The following DNAH6 variants were observed in gnomAD, a reference collection of about 807,000 sequenced individuals.
DNAH6 encodes dynein axonemal heavy chain 6, also known as axonemal beta dynein heavy chain 6.
In DNAH6, 340 loss-of-function variants were observed where a neutral mutation model predicts 491.4. That is an observed-to-expected ratio of 0.69 (90% CI 0.63 to 0.76). DNAH6 has a LOEUF of 0.76. Ranked by LOEUF, DNAH6 falls within the 30% of genes least tolerant of loss-of-function variation. The probability of loss-of-function intolerance (pLI) is 0.00; values close to 1 mark genes in which losing one functional copy is unlikely to be tolerated. For synonymous variants in DNAH6, 1,603 were observed against 1,686.1 expected, an observed-to-expected ratio of 0.95 and a Z score of 1.21; for missense variants, 4,443 against 4,972.2, an observed-to-expected ratio of 0.89 and a Z score of 3.20.
At chr2:84,611,256 G>C (rs1686299867) in intron 21 of DNAH6, among the ~76,000 whole-genome samples, 1 of 151,822 alleles carries the variant, frequency 6.6e-6, no homozygotes, top group Non-Finnish European at 1.5e-5. Context: ...TTTAAAGAAA[G>C]GTGAATGAAA....
At chr2:84,573,980 T>TAA (rs1682170996) in intron 12 of DNAH6, among the ~76,000 whole-genome samples, 1 of 152,204 alleles carries the variant, frequency 6.6e-6, no homozygotes, top group South Asian at 2.1e-4. Flanking sequence ...CTTCTGGGAC[T>TAA]ACATTAAGAT....
chr2:84,637,135 T>C lies in DNAH6; in HGVS notation c.4654-75T>C, dbSNP rs552302465. The stretch of plus-strand genomic sequence containing the variant: ...TTAGTGCTTCATTACATGAGTCTTG[T>C]ATTCGAGTAATAATTAGGTGAAAAA... On this transcript the variant is annotated intron_variant, in intron 30 of 76. Coordinates refer to ENST00000389394, the MANE Select transcript of DNAH6 (RefSeq NM_001370.2). 67 of 1,283,616 alleles carry C rather than the reference T, an allele frequency of 5.2e-5. No homozygotes were observed. In the African/African-American group the frequency reaches 8.4e-4, roughly 16 times the overall value. 79.5% of individuals were successfully genotyped at this position (1,283,616 alleles called of 1,614,324 possible).
chr2:84,548,066 T>G (rs1678955811), intron 7 of DNAH6, among the ~76,000 whole-genome samples: 1 of 152,242 alleles, frequency 6.6e-6, no homozygotes, highest in Non-Finnish European at 1.5e-5. Context: ...GATCAAATCC[T>G]GTTAATGAGA....
chr2:84,549,444 T>G (rs1679110320), intron 8 of DNAH6, among the ~76,000 whole-genome samples: 1 of 152,156 alleles, frequency 6.6e-6, no homozygotes, highest in African/African-American at 2.4e-5. Context: ...AAACGTAAAA[T>G]TCAAACCTTT....
upstream of DNAH6, among the ~76,000 whole-genome samples, chr2:84,514,856 C>CCACA (rs1675479540): frequency 7.1e-6 from 1 of 141,264 alleles, no homozygotes; most frequent in African/African-American, 2.8e-5. Flanking sequence ...CCCACCCCCA[C>CCACA]TTCACCACAG....
rs1316840851 is a variant in DNAH6, at chr2:84,704,371, A to G, written c.8465+69A>G. On this transcript the variant is annotated intron_variant, in intron 51 of 76. Coordinates refer to ENST00000389394, the MANE Select transcript of DNAH6 (RefSeq NM_001370.2). ...GTTCTTTACTGTTTTCCTCCATGGT[A>G]ATGTATATATTCATTCCCTTCTCCA... The G allele has an allele frequency of 2.6e-6, 3 of 1,157,396 alleles. No individual in the cohort carries two copies. In the East Asian group the frequency reaches 7.7e-5, roughly 30 times the overall value. The allele number at this position is 1,157,396 out of a possible 1,614,324, so 71.7% of individuals were successfully genotyped here. A position where few individuals can be genotyped will look rare whatever the true frequency, so the allele number is the denominator to read the frequency against.
At chr2:84,708,471 A>AG (rs1696689766) in intron 54 of DNAH6, among the ~76,000 whole-genome samples, 1 of 61,860 alleles carries the variant, frequency 1.6e-5, no homozygotes, top group South Asian at 6.6e-4. Context: ...AGAAAAAGAG[A>AG]GAAAGGGGGG....
chr2:84,811,215 C>G (rs1441907000), intron 72 of DNAH6, among the ~76,000 whole-genome samples: 2 of 152,238 alleles, frequency 1.3e-5, no homozygotes, highest in African/African-American at 4.8e-5. Flanking sequence ...CTTGTTTCAT[C>G]CACACAATGC....
chr2:84,497,958 A>G, the DNAH6 span, among the ~76,000 whole-genome samples: 8 of 152,278 alleles, frequency 5.3e-5, no homozygotes, highest in South Asian at 4.1e-4. Context: ...CCACATCCCT[A>G]GAAGAGGTCT....
chr2:84,557,847 T>C lies in DNAH6; in HGVS notation c.1715T>C (p.Leu572Pro). The change falls in exon 11 of 77, where the codon CTT becomes CCT. Residue 572 changes from leucine to proline, a missense_variant. By Grantham distance (98) the Leu-to-Pro change is moderately conservative. Transcript: ENST00000389394. Reference sequence around the variant, plus strand: ...ACCAGCCCTTATATTAACAACAAACTTGAAGGAAAAACCTGTGGAACTGGG... The same window carrying C: ...ACCAGCCCTTATATTAACAACAAACCTGAAGGAAAAACCTGTGGAACTGGG... The part of the protein sequence containing the change: ...AFTSPYINNK[L>P]EGKTCGTGPS... 1 of 1,613,116 alleles carries C rather than the reference T, an allele frequency of 6.2e-7. No homozygotes were observed. The highest frequency in any genetic ancestry group is 8.5e-7 in the Non-Finnish European group (1 of 1,179,480).
the DNAH6 span, among the ~76,000 whole-genome samples, chr2:84,496,036 G>A: frequency 6.6e-6 from 1 of 152,150 alleles, no homozygotes; most frequent in African/African-American, 2.4e-5. Flanking sequence ...CCACCTCCAC[G>A]CTTCTCAGCA....
rs543437610 is a variant in DNAH6 at position 84,686,524 on chromosome 2, G to A, written c.7104G>A (p.Leu2368=). The change falls in exon 44 of 77, where the codon TTG becomes TTA. Residue 2368 remains leucine, a synonymous_variant. Coordinates refer to ENST00000389394, the MANE Select transcript of DNAH6 (RefSeq NM_001370.2). ...FGIAIDLEYF[L]NKPIIFGDFI... is the part of the protein sequence containing the mutation. ...TTGCAATTGACCTGGAATATTTTTT[G>A]AATAAGCCCATCATATTTGGAGATT... is the stretch of plus-strand genomic sequence containing the variant. 2 of 1,540,166 alleles carry A rather than the reference G, an allele frequency of 1.3e-6. No homozygotes were observed. Among genetic ancestry groups the A allele is most frequent in the Non-Finnish European group, 1.8e-6 (2 of 1,138,980 alleles).
chr2:84,782,137 TTAC>T (rs1386917868), intron 65 of DNAH6, among the ~76,000 whole-genome samples: 2 of 152,206 alleles, frequency 1.3e-5, no homozygotes, highest in Non-Finnish European at 2.9e-5. Context: ...GTGCTCAGCA[TTAC>T]TCATAGTTGC....
chr2:84,575,992 A>G (rs912431894), intron 12 of DNAH6, among the ~76,000 whole-genome samples: 3 of 152,146 alleles, frequency 2.0e-5, no homozygotes, highest in Admixed American at 1.3e-4. Context: ...TTCTCTATCT[A>G]TGAAATAAGA....
At chr2:84,632,066 A>C (rs1198429109) in intron 29 of DNAH6, among the ~76,000 whole-genome samples, 1 of 152,208 alleles carries the variant, frequency 6.6e-6, no homozygotes, top group African/African-American at 2.4e-5. Context: ...GCCTGTAGGC[A>C]TTGACCCTGT....
rs1396849894 is a variant in DNAH6, at chr2:84,697,827, A to AT, written c.7677+107dup. On this transcript the variant is annotated intron_variant, in intron 47 of 76. Coordinates refer to ENST00000389394, the MANE Select transcript of DNAH6 (RefSeq NM_001370.2). Reference sequence around the variant, plus strand: ...TTGCCTGAAGGGGTCCATGAATAAAATTTTTTTCAATATAATTGGTTTCCT... The same window carrying AT: ...TTGCCTGAAGGGGTCCATGAATAAAATTTTTTTTCAATATAATTGGTTTCCT... The AT allele has an allele frequency of 3.1e-6, 4 of 1,284,690 alleles. No homozygotes were observed. In the South Asian group the frequency reaches 5.4e-5, roughly 17 times the overall value. 79.6% of individuals were successfully genotyped at this position (1,284,690 alleles called of 1,614,324 possible). A position where few individuals can be genotyped will look rare whatever the true frequency, so the allele number is the denominator to read the frequency against.
chr2:84,489,391 G>T, the DNAH6 span, among the ~76,000 whole-genome samples: 1 of 151,996 alleles, frequency 6.6e-6, no homozygotes, highest in African/African-American at 2.4e-5. Flanking sequence ...GAAGTTAAAA[G>T]ATATGTATCA....
chr2:84,636,982 A>C (rs1378920960), intron 30 of DNAH6, among the ~76,000 whole-genome samples: 1 of 152,308 alleles, frequency 6.6e-6, no homozygotes, highest in South Asian at 2.1e-4. Flanking sequence ...AGGAAGAGAC[A>C]GTTTGGGCAA....
intron 19 of DNAH6, among the ~76,000 whole-genome samples, chr2:84,605,073 C>T (rs769842306): frequency 5.9e-5 from 9 of 152,046 alleles, no homozygotes; most frequent in Non-Finnish European, 1.3e-4. Flanking sequence ...GCAGGCCAGG[C>T]GTGGTGGCTC....
Sources: gnomAD v4.1 joint callset for allele counts (sites outside exome capture counted in the v4.1 genomes callset) on GRCh38, gnomAD v4.1.1 for gene constraint, MANE v1.5 for transcripts, NCBI Gene and HGNC (gene_info 2026-07-23, HGNC 2026-07-21) for gene names.